The following PRH1 variants were observed in gnomAD, a reference collection of about 807,000 sequenced individuals.
PRH1 encodes salivary acidic proline-rich phosphoprotein 1/2.
In PRH1, 7 loss-of-function variants were observed where a neutral mutation model predicts 7.9. The observed-to-expected ratio is 0.89, with a 90% CI of 0.50 to 1.67. PRH1 has a LOEUF of 1.67. Ranked by LOEUF, PRH1 falls within the 40% of genes most tolerant of loss-of-function variation. PRH1 has a pLI of 0.00. For synonymous variants in PRH1, 45 were observed against 80.8 expected, an observed-to-expected ratio of 0.56 and a Z score of 2.38; for missense variants, 109 against 223.6, an observed-to-expected ratio of 0.49 and a Z score of 3.27.
intron 1 of PRH1, among the ~76,000 whole-genome samples, chr12:10,976,750 C>T (rs1939120225): frequency 6.6e-6 from 1 of 152,040 alleles, no homozygotes; most frequent in Non-Finnish European, 1.5e-5. Context: ...ACTGACCCCA[C>T]TGAAATGCAA....
intron 1 of PRH1, chr12:11,030,650 T>A (rs1942150695): frequency 1.9e-6 from 3 of 1,614,106 alleles, no homozygotes; most frequent in Non-Finnish European, 1.7e-6. Context: ...GATCACAGTT[T>A]GCAAAGCTTT....
At chr12:10,913,248 T>C (rs747220217) in intron 2 of PRH1, among the ~76,000 whole-genome samples, 11 of 152,114 alleles carry the variant, frequency 7.2e-5, no homozygotes, top group Non-Finnish European at 1.6e-4. Context: ...GGTCAGGAGA[T>C]CGAGACCAGC....
intron 1 of PRH1, chr12:11,078,345 T>C: frequency 4.3e-6 from 1 of 232,264 alleles, no homozygotes; most frequent in South Asian, 7.0e-5. Context: ...TTACTAAATG[T>C]GCAATAACAT....
intron 1 of PRH1, among the ~76,000 whole-genome samples, chr12:11,101,380 C>T (rs1945242967): frequency 1.3e-5 from 2 of 152,186 alleles, no homozygotes; most frequent in Admixed American, 6.5e-5. Context: ...GTCCTAGCTA[C>T]TCTGGAGGCT....
chr12:11,029,034 C>T (rs572541255), intron 1 of PRH1, among the ~76,000 whole-genome samples: 1 of 152,392 alleles, frequency 6.6e-6, no homozygotes, highest in East Asian at 1.9e-4. Flanking sequence ...GTGCTGGTTT[C>T]GAGTTCCTGG....
chr12:10,986,449 T>A lies in PRH1; in HGVS notation c.-125-12728A>T, dbSNP rs776076767. ...ACAAGAAGATGACAAACCAAAAATA[T>A]CAAAGTCCCCAACAGTATCACCAGA... On this transcript the variant is annotated intron_variant, in intron 1 of 3. Transcript: ENST00000539853. The A allele has an allele frequency of 8.7e-6, 14 of 1,613,974 alleles. No homozygotes were observed. The East Asian group carries it at 2.9e-4, about 33-fold the overall frequency.
chr12:11,149,399 C>T (rs1379038532), intron 1 of PRH1, among the ~76,000 whole-genome samples: 10 of 151,532 alleles, frequency 6.6e-5, no homozygotes, highest in East Asian at 3.9e-4. Context: ...GGAGGCATCA[C>T]GCTACCTGAC....
chr12:11,021,669 C>T (rs773854576), intron 1 of PRH1: 1 of 1,604,956 alleles, frequency 6.2e-7, no homozygotes, highest in Non-Finnish European at 8.5e-7. Flanking sequence ...TCTCTTCTTT[C>T]ACTCAGCGTG....
intron 1 of PRH1, among the ~76,000 whole-genome samples, chr12:11,067,044 C>G (rs906320664): frequency 1.3e-5 from 2 of 152,130 alleles, no homozygotes; most frequent in Non-Finnish European, 2.9e-5. Context: ...GCATCATTAG[C>G]AAGCCAAATT....
At chr12:10,986,381 T>G in intron 1 of PRH1, 1 of 1,614,076 alleles carries the variant, frequency 6.2e-7, no homozygotes, top group Non-Finnish European at 8.5e-7. Context: ...CAGTCATGTT[T>G]CCTTCATATT....
intron 1 of PRH1, among the ~76,000 whole-genome samples, chr12:11,145,080 G>T (rs1946823626): frequency 6.6e-6 from 1 of 152,210 alleles, no homozygotes; most frequent in South Asian, 2.1e-4. Flanking sequence ...TCTGTCTAGA[G>T]CTGCAATCTA....
At chr12:11,052,126 T>C (rs1257038364), upstream of PRH1, among the ~76,000 whole-genome samples, 1 of 152,414 alleles carries the variant, frequency 6.6e-6, no homozygotes, top group South Asian at 2.1e-4. Context: ...TTTGCATATA[T>C]CTTATCAATT....
chr12:10,922,815 T>C (rs1950065334), intron 2 of PRH1, among the ~76,000 whole-genome samples: 1 of 92,532 alleles, frequency 1.1e-5, no homozygotes, highest in South Asian at 5.3e-4. Flanking sequence ...ATCTTTTCCA[T>C]GAATTTTTTC....
intron 2 of PRH1, among the ~76,000 whole-genome samples, chr12:10,944,252 T>C (rs1950449830): frequency 6.6e-6 from 1 of 152,210 alleles, no homozygotes; most frequent in African/African-American, 2.4e-5. Flanking sequence ...TCTGATCTTT[T>C]TGGGAAGTTT....
rs766644835 is a variant in PRH1, at chr12:11,042,038, A to G, written c.-126+4982T>C. The stretch of plus-strand genomic sequence containing the variant: ...ACATCAGAAAAGAAGAAAAATTCAA[A>G]TAAACAACCTAATTGTGTATCTTAA... On this transcript the variant is annotated intron_variant, in intron 1 of 3. Transcript: ENST00000539853. 5.3e-4 allele frequency among the ~76,000 whole-genome samples: 80 copies of G among 152,160 alleles called. 1 individual carries two copies. The highest frequency in any genetic ancestry group is 2.9e-4 in the Non-Finnish European group (20 of 68,016).
chr12:11,152,851 G>GA (rs1276356230), intron 1 of PRH1, among the ~76,000 whole-genome samples: 1 of 152,138 alleles, frequency 6.6e-6, no homozygotes, highest in Non-Finnish European at 1.5e-5. Context: ...ATCACCATGA[G>GA]AATAGCCACA....
chr12:11,002,607 A>T (rs1940647505), intron 1 of PRH1, among the ~76,000 whole-genome samples: 1 of 152,124 alleles, frequency 6.6e-6, no homozygotes, highest in Admixed American at 6.6e-5. Flanking sequence ...TTTTAATAGT[A>T]TCATTAGCAG....
chr12:11,171,185 G>A (rs1947827084), intron 1 of PRH1: 3 of 403,048 alleles, frequency 7.4e-6, no homozygotes, highest in Non-Finnish European at 1.3e-5. Flanking sequence ...GAGCGCCAGC[G>A]GCGCCCGGGG....
At chr12:11,067,736 G>A (rs2598005) in intron 1 of PRH1, among the ~76,000 whole-genome samples, 13 of 151,892 alleles carry the variant, frequency 8.6e-5, no homozygotes, top group African/African-American at 2.9e-4. Context: ...GGTGGTGCAC[G>A]CCTGTTGTCC....
Sources: allele counts gnomAD v4.1 joint callset (sites outside exome capture counted in the v4.1 genomes callset), GRCh38; gene constraint gnomAD v4.1.1; transcripts MANE v1.5; gene names NCBI Gene and HGNC (gene_info 2026-07-23, HGNC 2026-07-21).